Variants in OPCML observed in about 807,000 individuals in gnomAD.
OPCML encodes the protein opioid-binding protein/cell adhesion molecule.
OPCML carries 13 observed loss-of-function variants against 37.8 expected under a neutral mutation model. The observed-to-expected ratio is 0.34, with a 90% CI of 0.22 to 0.55. The LOEUF (loss-of-function observed/expected upper bound fraction) is 0.55. OPCML is among the 20% of genes least tolerant of loss of function. The pLI, the probability that OPCML is intolerant of heterozygous loss-of-function variation, is 0.91. For synonymous variants in OPCML, 176 were observed against 168.8 expected, an observed-to-expected ratio of 1.04 and a Z score of -0.33; for missense variants, 341 against 435.6, an observed-to-expected ratio of 0.78 and a Z score of 1.93.
At chr11:132,793,133 G>C (rs1018649538) in intron 2 of OPCML, among the ~76,000 whole-genome samples, 5 of 152,124 alleles carry the variant, frequency 3.3e-5, no homozygotes, top group African/African-American at 4.8e-5. Flanking sequence ...GGCCGCTTGC[G>C]TGTTGGCAGA....
intron 1 of OPCML, among the ~76,000 whole-genome samples, chr11:133,033,927 A>G (rs1947719365): frequency 6.6e-6 from 1 of 152,210 alleles, no homozygotes; most frequent in Non-Finnish European, 1.5e-5. Context: ...GTACAGGGCC[A>G]ACTCTACATG....
intron 1 of OPCML, among the ~76,000 whole-genome samples, chr11:133,369,556 T>A (rs1181384810): frequency 6.6e-6 from 1 of 152,180 alleles, no homozygotes; most frequent in Non-Finnish European, 1.5e-5. Context: ...CTACACACAT[T>A]GTATTTCATC....
chr11:133,167,371 G>T (rs1950222370), intron 1 of OPCML, among the ~76,000 whole-genome samples: 1 of 151,856 alleles, frequency 6.6e-6, no homozygotes, highest in African/African-American at 2.4e-5. Flanking sequence ...AGATATTATT[G>T]GTCAACACAA....
At chr11:132,858,441 G>A (rs1277288102) in intron 2 of OPCML, among the ~76,000 whole-genome samples, 2 of 152,192 alleles carry the variant, frequency 1.3e-5, no homozygotes, top group African/African-American at 4.8e-5. Flanking sequence ...AAGCACAGAT[G>A]CCTTTGACAA....
chr11:132,989,967 G>T (rs1946746776), intron 1 of OPCML, among the ~76,000 whole-genome samples: 1 of 152,080 alleles, frequency 6.6e-6, no homozygotes, highest in Admixed American at 6.5e-5. Context: ...AGAAAAGAAA[G>T]GCAGAAGGAT....
chr11:133,102,481 G>A (rs1385476673), intron 1 of OPCML, among the ~76,000 whole-genome samples: 1 of 152,202 alleles, frequency 6.6e-6, no homozygotes, highest in African/African-American at 2.4e-5. Context: ...AGGGGCGGTG[G>A]CTCATGCCTG....
chr11:133,346,734 G>A (rs960188798), intron 1 of OPCML, among the ~76,000 whole-genome samples: 2 of 152,124 alleles, frequency 1.3e-5, no homozygotes, highest in Admixed American at 1.3e-4. Flanking sequence ...TCCAAGCCTC[G>A]TTTTACCACT....
At chr11:133,530,376 A>G (rs1378069025) in intron 1 of OPCML, among the ~76,000 whole-genome samples, 1 of 152,216 alleles carries the variant, frequency 6.6e-6, no homozygotes, top group African/African-American at 2.4e-5. Flanking sequence ...GATTTCTGCC[A>G]TAAGGGGCGC....
intron 1 of OPCML, among the ~76,000 whole-genome samples, chr11:132,961,012 T>C (rs1486523337): frequency 6.6e-6 from 1 of 152,152 alleles, no homozygotes; most frequent in African/African-American, 2.4e-5. Flanking sequence ...GCAGCCTCCA[T>C]CTAGAGCAAA....
chr11:133,289,594 C>CAAAAAA (rs1229577687), intron 1 of OPCML, among the ~76,000 whole-genome samples: 6 of 52,284 alleles, frequency 1.1e-4, no homozygotes, highest in African/African-American at 3.0e-4. Context: ...GACTCCATCT[C>CAAAAAA]AAAAAAAAAA....
chr11:132,989,523 C>T (rs928283643), intron 1 of OPCML, among the ~76,000 whole-genome samples: 14 of 151,580 alleles, frequency 9.2e-5, no homozygotes, highest in African/African-American at 3.4e-4. Context: ...TGAATGATGG[C>T]TAAGGTAGGA....
At chr11:132,895,944 G>A (rs891226830) in intron 2 of OPCML, among the ~76,000 whole-genome samples, 1 of 152,126 alleles carries the variant, frequency 6.6e-6, no homozygotes, top group Non-Finnish European at 1.5e-5. Context: ...ATTTATACAA[G>A]CAGAAGTCTG....
chr11:133,253,610 G>T (rs1941214240), intron 1 of OPCML, among the ~76,000 whole-genome samples: 1 of 152,158 alleles, frequency 6.6e-6, no homozygotes, highest in Non-Finnish European at 1.5e-5. Flanking sequence ...CGCCTGGCTT[G>T]CGAGTCACAT....
intron 4 of OPCML, among the ~76,000 whole-genome samples, chr11:132,493,253 G>A (rs1211592221): frequency 6.6e-6 from 1 of 152,148 alleles, no homozygotes; most frequent in African/African-American, 2.4e-5. Context: ...AGTAGAATGA[G>A]CACAAAAGTA....
chr11:133,087,135 G>T lies in OPCML; in HGVS notation c.62-144125C>A, dbSNP rs1318708053. Among the ~76,000 whole-genome samples, 3 of 152,330 alleles carry T rather than the reference G, an allele frequency of 2.0e-5. No homozygotes were observed. The East Asian group carries it at 5.8e-4, about 29-fold the overall frequency. On this transcript the variant is annotated intron_variant, in intron 1 of 7. Transcript: ENST00000524381. ...AAAGAGGTTAAGTGACTGAATGAAG[G>T]TCACGCTGCTGGTTAGTGAGAGCTG...
chr11:132,609,268 A>C (rs185738616), intron 3 of OPCML, among the ~76,000 whole-genome samples: 21 of 152,350 alleles, frequency 1.4e-4, no homozygotes, highest in Admixed American at 3.9e-4. Context: ...TTTTATTATT[A>C]TTCTCACATC....
intron 2 of OPCML, among the ~76,000 whole-genome samples, chr11:132,779,423 G>C (rs1354251490): frequency 6.6e-6 from 1 of 152,140 alleles, no homozygotes; most frequent in Admixed American, 6.5e-5. Context: ...GCTTCTGGGG[G>C]TCCCTGCACT....
In OPCML at chr11:132,644,190, AT is replaced by A. The variant is rs1168367482; in HGVS notation, c.379+12896del. On this transcript the variant is annotated intron_variant, in intron 3 of 7. Coordinates refer to ENST00000524381, the MANE Select transcript of OPCML (RefSeq NM_001012393.5). ...TTATTTCTATTAAAAGATAGGGCTT[AT>A]TTTTTTTCCTACCCTGTCTCTACTA... Among the ~76,000 whole-genome samples the A allele has an allele frequency of 3.9e-5, 6 of 151,928 alleles. No individual in the cohort carries two copies. The South Asian group carries it at 6.2e-4, about 16-fold the overall frequency.
chr11:133,214,477 G>A (rs772710125), intron 1 of OPCML, among the ~76,000 whole-genome samples: 15 of 151,638 alleles, frequency 9.9e-5, no homozygotes, highest in South Asian at 2.1e-4. Context: ...TTATTTTTTC[G>A]TAATGTTCAG....
Sources: gnomAD v4.1 joint callset for allele counts (sites outside exome capture counted in the v4.1 genomes callset) on GRCh38, gnomAD v4.1.1 for gene constraint, MANE v1.5 for transcripts, NCBI Gene and HGNC (gene_info 2026-07-23, HGNC 2026-07-21) for gene names.